FOXP1: variants seen among roughly 807,000 people sequenced by gnomAD.
The protein encoded by FOXP1 is forkhead box P1, also known as forkhead box protein P1.
In FOXP1, 15 loss-of-function variants were observed where a neutral mutation model predicts 98.2. That is an observed-to-expected ratio of 0.15 (90% confidence interval 0.10 to 0.24). FOXP1 has a LOEUF of 0.24. Ranked by LOEUF, FOXP1 falls within the 10% of genes least tolerant of loss-of-function variation. The pLI, the probability that FOXP1 is intolerant of heterozygous loss-of-function variation, is 1.00. For synonymous variants in FOXP1, 371 were observed against 314.5 expected, an observed-to-expected ratio of 1.18 and a Z score of -1.90; for missense variants, 633 against 848.5, an observed-to-expected ratio of 0.75 and a Z score of 3.15.
At chr3:71,328,987 AAAC>A (rs370747006) in intron 4 of FOXP1, among the ~76,000 whole-genome samples, 57,112 of 112,800 alleles carry the variant, frequency 0.51, 21,194 homozygotes, top group East Asian at 0.88. Context: ...AAAAAAAAAA[AAAC>A]AAAAAAAAAA....
chr3:71,418,863 T>A (rs952899133), intron 3 of FOXP1, among the ~76,000 whole-genome samples: 2 of 146,434 alleles, frequency 1.4e-5, no homozygotes, highest in African/African-American at 2.5e-5. Context: ...CTTATACTTA[T>A]AATACCAGAT....
intron 2 of FOXP1, chr3:71,571,433 A>G (rs1318084598): frequency 1.3e-5 from 2 of 152,216 alleles, no homozygotes; most frequent in African/African-American, 2.4e-5. Context: ...GGGAAACACT[A>G]TCTACCTTTA....
chr3:71,578,338 T>C lies in FOXP1; in HGVS notation c.-298+3211A>G, dbSNP rs537719129. Among the ~76,000 whole-genome samples the C allele has an allele frequency of 2.0e-5, 3 of 152,312 alleles. No individual in the cohort carries two copies. The South Asian group carries it at 6.2e-4, about 32-fold the overall frequency. ...AAAGTAACAGAATCATAAACAAAAT[T>C]TATACTATGTTCTGACAGCCTGCAA... On this transcript the variant is annotated intron_variant, in intron 2 of 20. Transcript: ENST00000649528.
chr3:71,051,698 G>A (rs1056780417), intron 9 of FOXP1, among the ~76,000 whole-genome samples: 3 of 152,138 alleles, frequency 2.0e-5, no homozygotes, highest in Admixed American at 2.0e-4. Context: ...AAGTTAAATT[G>A]GATAACTCTG....
intron 4 of FOXP1, among the ~76,000 whole-genome samples, chr3:71,323,794 C>T (rs9872965): frequency 0.016 from 2,390 of 152,284 alleles, 49 homozygotes; most frequent in African/African-American, 0.049. Context: ...AAGACATGCA[C>T]TTTAAACATT....
chr3:71,233,235 G>T (rs1190779576), intron 5 of FOXP1, among the ~76,000 whole-genome samples: 1 of 148,464 alleles, frequency 6.7e-6, no homozygotes, highest in African/African-American at 2.5e-5. Flanking sequence ...GCATGGGAGG[G>T]GAGGGAAGGG....
rs2032619131 is a variant in FOXP1 at position 70,959,310 on chromosome 3, G to A, written c.1971C>T (p.His657=). Residue 657 remains histidine (H), a synonymous_variant, in exon 21 of 21, where the codon CAC becomes CAT. Transcript: ENST00000649528. ...GPLSLVTTAN[H]SPDFDHDRDY... ...CTCTGTCATGGTCAAAATCTGGACT[G>A]TGGTTGGCTGTTGTCACTAAGGACA... 2.5e-6 allele frequency: 4 copies of A among 1,613,850 alleles called. No individual in the cohort carries two copies. In the African/African-American group the frequency reaches 4.0e-5, roughly 16 times the overall value.
chr3:71,109,111 T>C (rs760266827), intron 7 of FOXP1, among the ~76,000 whole-genome samples: 2 of 152,254 alleles, frequency 1.3e-5, no homozygotes, highest in African/African-American at 4.8e-5. Flanking sequence ...GCAATATCTA[T>C]ACCCGATTAA....
At chr3:71,290,555 C>T (rs1018084399) in intron 5 of FOXP1, among the ~76,000 whole-genome samples, 1 of 152,136 alleles carries the variant, frequency 6.6e-6, no homozygotes, top group Non-Finnish European at 1.5e-5. Context: ...CAAAACAGCT[C>T]CCAGAGCGAT....
intron 7 of FOXP1, chr3:71,065,872 T>C (rs1168088402): frequency 6.6e-6 from 1 of 152,160 alleles, no homozygotes; most frequent in Non-Finnish European, 1.5e-5. Flanking sequence ...TAAACTTTGT[T>C]GGCTCAACTG....
At chr3:71,507,704 A>G (rs1367680042) in intron 2 of FOXP1, among the ~76,000 whole-genome samples, 14 of 152,096 alleles carry the variant, frequency 9.2e-5, no homozygotes, top group African/African-American at 3.1e-4. Flanking sequence ...CAGCCTCCAG[A>G]GTAGCTGGGA....
intron 6 of FOXP1, among the ~76,000 whole-genome samples, chr3:71,158,117 G>A (rs13098320): frequency 0.32 from 7,839 of 24,612 alleles, 651 homozygotes; most frequent in East Asian, 0.52. Context: ...GGGAGGGAGG[G>A]AGGGAGGGAG....
chr3:71,100,898 CATGGT>C (rs2056897027), intron 7 of FOXP1, among the ~76,000 whole-genome samples: 1 of 152,112 alleles, frequency 6.6e-6, no homozygotes, highest in South Asian at 2.1e-4. Context: ...AGGATGGAGA[CATGGT>C]ATGATACATA....
At chr3:71,149,851 C>A (rs763838687) in intron 6 of FOXP1, among the ~76,000 whole-genome samples, 8 of 152,100 alleles carry the variant, frequency 5.3e-5, no homozygotes, top group East Asian at 1.9e-4. Flanking sequence ...GAAGGGAATG[C>A]GACAGGATTG....
In FOXP1 at chr3:71,390,242, C is replaced by G. The variant is rs545018850; in HGVS notation, c.-167-30998G>C. ...GTCAGGACCTGCTGTAACTCAAAAC[C>G]TCCTCTTTCTAAGTCAACAAGCCAA... On this transcript the variant is annotated intron_variant, in intron 3 of 20. Coordinates refer to ENST00000649528, the MANE Select transcript of FOXP1 (RefSeq NM_001349338.3). Among the ~76,000 whole-genome samples, 3 of 152,254 alleles carry G rather than the reference C, an allele frequency of 2.0e-5. No homozygotes were observed. The South Asian group carries it at 6.2e-4, about 32-fold the overall frequency.
At chr3:71,127,914 CA>C (rs1159551790) in intron 6 of FOXP1, among the ~76,000 whole-genome samples, 1 of 152,198 alleles carries the variant, frequency 6.6e-6, no homozygotes. Context: ...CCACTGCTTC[CA>C]TCCTTGTCTT....
At chr3:71,261,191 A>G (rs1282623581) in intron 5 of FOXP1, among the ~76,000 whole-genome samples, 1 of 152,222 alleles carries the variant, frequency 6.6e-6, no homozygotes, top group African/African-American at 2.4e-5. Context: ...GCTGTCGGAT[A>G]TTCTAAGTAA....
intron 6 of FOXP1, among the ~76,000 whole-genome samples, chr3:71,121,583 G>C (rs1398347857): frequency 6.6e-6 from 1 of 152,120 alleles, no homozygotes; most frequent in Non-Finnish European, 1.5e-5. Context: ...AGTGCCAGAC[G>C]CTGAATCACT....
At chr3:71,015,443 G>T (rs2044319522) in intron 12 of FOXP1, 106 bp downstream of exon 12, 6 of 714,444 alleles carry the variant, frequency 8.4e-6, no homozygotes, top group Non-Finnish European at 2.5e-6. Flanking sequence ...CACTCTCAAA[G>T]GGGTGAGGTG....
Sources: gnomAD v4.1 joint callset for allele counts (sites outside exome capture counted in the v4.1 genomes callset) on GRCh38, gnomAD v4.1.1 for gene constraint, MANE v1.5 for transcripts, NCBI Gene and HGNC (gene_info 2026-07-23, HGNC 2026-07-21) for gene names.